Variants in TRNAU1AP observed in about 807,000 individuals in gnomAD.
The protein encoded by TRNAU1AP is tRNA selenocysteine 1-associated protein 1.
TRNAU1AP carries 33 observed loss-of-function variants against 43.3 expected under a neutral mutation model. That is an observed-to-expected ratio of 0.76 (90% confidence interval 0.58 to 1.02). The LOEUF is 1.02. Ranked by LOEUF, TRNAU1AP falls within the 50% of genes least tolerant of loss-of-function variation. The pLI, the probability that TRNAU1AP is intolerant of heterozygous loss-of-function variation, is 0.00. For missense variants in TRNAU1AP, 290 were observed against 362.7 expected (o/e 0.80, Z 1.63); for synonymous variants, 143 against 129.1 (o/e 1.11, Z -0.73).
chr1:28,560,042 T>G lies in TRNAU1AP; in HGVS notation c.126-591T>G, dbSNP rs535234143. On this transcript the variant is annotated intron_variant, in intron 2 of 8. Transcript: ENST00000373830. Reference sequence around the variant, plus strand: ...AAGTGTTCATGAGGCTGAGGCAGGATAATTGCTTGAACCTGAGAGGCAGAG... The same window carrying G: ...AAGTGTTCATGAGGCTGAGGCAGGAGAATTGCTTGAACCTGAGAGGCAGAG... Among the ~76,000 whole-genome samples, 422 of 152,172 alleles carry G rather than the reference T, an allele frequency of 2.8e-3. 7 individuals are homozygous for G. The highest frequency in any genetic ancestry group is 6.8e-3 in the Middle Eastern group (2 of 294).
At chr1:28,561,000 C>A in intron 3 of TRNAU1AP, 4 of 1,264,674 alleles carry the variant, frequency 3.2e-6, no homozygotes, top group Non-Finnish European at 4.1e-6. Flanking sequence ...GCATTGCTGC[C>A]TCCCATAACC....
intron 2 of TRNAU1AP, among the ~76,000 whole-genome samples, chr1:28,555,795 A>AGAGCT (rs1665247229): frequency 6.6e-6 from 1 of 152,056 alleles, no homozygotes; most frequent in South Asian, 2.1e-4. Context: ...TCTAAGCAGA[A>AGAGCT]AACCCCAGAT....
intron 2 of TRNAU1AP, among the ~76,000 whole-genome samples, chr1:28,559,882 G>A (rs1190354496): frequency 3.9e-5 from 6 of 151,964 alleles, no homozygotes; most frequent in African/African-American, 1.2e-4. Context: ...CTGTAATCCC[G>A]GAACTTTGGG....
At chr1:28,561,095 A>T (rs1245902182) in intron 3 of TRNAU1AP, 1 of 1,384,502 alleles carries the variant, frequency 7.2e-7, no homozygotes, top group African/African-American at 1.5e-5. Flanking sequence ...AGAGAGTTGC[A>T]TTCTGCTCTT....
At chr1:28,566,248 G>A (rs13373966) in intron 5 of TRNAU1AP, among the ~76,000 whole-genome samples, 41,142 of 150,478 alleles carry the variant, frequency 0.27, 5,920 homozygotes, top group Non-Finnish European at 0.32. Context: ...CTGGGAGGCC[G>A]AGGTTGCAGT....
chr1:28,554,049 T>C (rs181440594), intron 2 of TRNAU1AP: 1 of 206,190 alleles, frequency 4.8e-6, no homozygotes, highest in Non-Finnish European at 1.0e-5. Flanking sequence ...AATACAAAAA[T>C]TAGCCGGGTG....
intron 8 of TRNAU1AP, among the ~76,000 whole-genome samples, chr1:28,575,654 C>T (rs150511337): frequency 0.015 from 2,201 of 146,760 alleles, 70 homozygotes; most frequent in African/African-American, 0.052. Context: ...TTTTTTGAGA[C>T]GGAGTCTTGC....
intron 5 of TRNAU1AP, chr1:28,565,075 G>T (rs961344766): frequency 1.2e-5 from 6 of 519,190 alleles, no homozygotes; most frequent in Non-Finnish European, 2.0e-5. Flanking sequence ...ATAGCTGCTT[G>T]TAGGGTTGAT....
rs193191375 is a variant in TRNAU1AP at position 28,567,685 on chromosome 1, T to G, written c.530+272T>G. 2.6e-3 allele frequency among the ~76,000 whole-genome samples: 393 copies of G among 152,336 alleles called. 1 individual carries two copies. Among genetic ancestry groups the G allele is most frequent in the African/African-American group, 8.9e-3 (371 of 41,588 alleles). ...TGGTGACAGCATTGGAAAAGCTGTT[T>G]GGCTGTCCATACCTGATGTCCCTGT... On this transcript the variant is annotated intron_variant, in intron 6 of 8. Transcript: ENST00000373830.
Position 28,556,926 on chromosome 1 carries a change from C to T in TRNAU1AP, c.125+3189C>T, listed in dbSNP as rs371478188. Among the ~76,000 whole-genome samples the T allele has an allele frequency of 3.8e-3, 580 of 152,060 alleles. 3 individuals are homozygous for T. The highest frequency in any genetic ancestry group is 0.013 in the African/African-American group (531 of 41,546). ...TCTCAATCTTCTGACCTCTGCCTGC[C>T]TCAGCCTCCCAAAGTGCTGGGATTA... On this transcript the variant is annotated intron_variant, in intron 2 of 8. Coordinates refer to ENST00000373830, the MANE Select transcript of TRNAU1AP (RefSeq NM_017846.5).
chr1:28,556,022 T>A (rs1430633936), intron 2 of TRNAU1AP, among the ~76,000 whole-genome samples: 6 of 152,054 alleles, frequency 3.9e-5, no homozygotes. Flanking sequence ...CCAGGCTAAT[T>A]TTTTGTATTT....
At chr1:28,575,334 T>C (rs1007195608) in intron 8 of TRNAU1AP, among the ~76,000 whole-genome samples, 1 of 151,868 alleles carries the variant, frequency 6.6e-6, no homozygotes, top group African/African-American at 2.4e-5. Context: ...TTTGTATTTT[T>C]AGTAAAGATG....
At chr1:28,561,662 G>C (rs545351506) in intron 4 of TRNAU1AP, among the ~76,000 whole-genome samples, 1 of 152,294 alleles carries the variant, frequency 6.6e-6, no homozygotes, top group Admixed American at 6.5e-5. Flanking sequence ...TGTTAGCCAG[G>C]TGCAGTGGCT....
intron 4 of TRNAU1AP, 76 bp from the exon 5 acceptor site, chr1:28,564,627 C>G (rs1665496348): frequency 6.5e-7 from 1 of 1,536,648 alleles, no homozygotes; most frequent in South Asian, 1.3e-5. Context: ...AGAGGTTTAC[C>G]TGGAATATGC....
rs1468284582 is a variant in TRNAU1AP, at chr1:28,577,721, T to C, written c.*85T>C. 33 of 1,405,468 alleles carry C rather than the reference T, an allele frequency of 2.3e-5. No individual in the cohort carries two copies. Among genetic ancestry groups the C allele is most frequent in the East Asian group, 1.7e-4 (7 of 42,390 alleles). 87.1% of individuals were successfully genotyped at this position (1,405,468 alleles called of 1,614,324 possible). On this transcript the variant is annotated 3_prime_UTR_variant, in exon 9 of 9. Transcript: ENST00000373830. ...AAATTGTGAAACCTTTTTGGAAATA[T>C]GATTTGTAAGATTTTAATAATGACT... is the stretch of plus-strand genomic sequence containing the variant.
rs114366600 is a variant in TRNAU1AP at position 28,578,526 on chromosome 1, C to T, written c.*890C>T. 538 of 320,248 alleles carry T rather than the reference C, an allele frequency of 1.7e-3. 6 individuals carry two copies. Among genetic ancestry groups the T allele is most frequent in the South Asian group, 2.0e-3 (74 of 37,598 alleles). 19.8% of individuals were successfully genotyped at this position (320,248 alleles called of 1,614,324 possible). ...CCAGTTCGGTCTCTACAAAAAAATACAAACACAAATATACTTTTATTAGTC... is the reference window on the plus strand; with the variant it reads ...CCAGTTCGGTCTCTACAAAAAAATATAAACACAAATATACTTTTATTAGTC... On this transcript the variant is annotated 3_prime_UTR_variant, in exon 9 of 9. Transcript: ENST00000373830.
chr1:28,568,408 T>G (rs1665587604), intron 6 of TRNAU1AP, among the ~76,000 whole-genome samples: 1 of 152,142 alleles, frequency 6.6e-6, no homozygotes. Flanking sequence ...CCTGATTAGC[T>G]GGTACTACAG....
At position 28,571,911 on chromosome 1, in the gene TRNAU1AP, A is replaced by C; in HGVS notation, c.727+11A>C. The C allele has an allele frequency of 6.2e-7, 1 of 1,611,204 alleles. No homozygotes were observed. The highest frequency in any genetic ancestry group is 8.5e-7 in the Non-Finnish European group (1 of 1,177,424). ...ATGATGCATTGGAAGGTAAGGGTTC[A>C]TACGTTCCTTACTCTGTCAGCCATT... On this transcript the variant is annotated intron_variant, in intron 8 of 8. Coordinates refer to ENST00000373830, the MANE Select transcript of TRNAU1AP (RefSeq NM_017846.5).
intron 2 of TRNAU1AP, among the ~76,000 whole-genome samples, chr1:28,555,566 T>G (rs1480510853): frequency 6.6e-6 from 1 of 150,778 alleles, no homozygotes; most frequent in Non-Finnish European, 1.5e-5. Context: ...GGCGCGATCT[T>G]GGCTCACTGA....
Sources: gnomAD v4.1 joint callset for allele counts (sites outside exome capture counted in the v4.1 genomes callset) on GRCh38, gnomAD v4.1.1 for gene constraint, MANE v1.5 for transcripts, NCBI Gene and HGNC (gene_info 2026-07-23, HGNC 2026-07-21) for gene names.